WDR7: variants seen among roughly 807,000 people sequenced by gnomAD.
WDR7 encodes WD repeat domain 7.
A neutral mutation model predicts 169.4 loss-of-function variants in WDR7; 46 were observed. The ratio of observed to expected loss-of-function variants is 0.27; its 90% confidence interval spans 0.21 to 0.35. WDR7 has a LOEUF of 0.35. Among genes scored for constraint, WDR7 ranks in the 10% least tolerant of loss-of-function variants. The pLI is 1.00. For missense variants in WDR7, 1,534 were observed against 1,859.3 expected (o/e 0.83, Z 3.22); for synonymous variants, 612 against 666.8 (o/e 0.92, Z 1.27).
intron 3 of WDR7, among the ~76,000 whole-genome samples, chr18:56,680,192 AC>A (rs1215054843): frequency 6.6e-6 from 1 of 152,106 alleles, no homozygotes; most frequent in African/African-American, 2.4e-5. Flanking sequence ...CCCTGTCTCT[AC>A]AAAAAAATGC....
intron 13 of WDR7, among the ~76,000 whole-genome samples, chr18:56,722,295 C>T (rs1335571969): frequency 6.6e-6 from 1 of 152,040 alleles, no homozygotes; most frequent in Non-Finnish European, 1.5e-5. Context: ...ATGTTTTTCT[C>T]TTGTTACTAA....
intron 20 of WDR7, among the ~76,000 whole-genome samples, chr18:56,835,920 C>T (rs940972532): frequency 1.3e-5 from 2 of 152,100 alleles, no homozygotes; most frequent in African/African-American, 2.4e-5. Context: ...TTGCAGTTGA[C>T]TGTATATGAT....
At chr18:56,716,082 T>G (rs2026186009) in intron 12 of WDR7, among the ~76,000 whole-genome samples, 1 of 151,844 alleles carries the variant, frequency 6.6e-6, no homozygotes, top group Non-Finnish European at 1.5e-5. Context: ...CCCAGTTTTG[T>G]TCTAACATAC....
At chr18:56,936,371 C>G (rs1488991114) in intron 23 of WDR7, 1 of 153,316 alleles carries the variant, frequency 6.5e-6, no homozygotes, top group Non-Finnish European at 1.5e-5. Flanking sequence ...CAGTTGATTC[C>G]CACATTCTTA....
At chr18:56,992,082 A>T (rs1298730902) in intron 26 of WDR7, among the ~76,000 whole-genome samples, 1 of 152,246 alleles carries the variant, frequency 6.6e-6, no homozygotes. Flanking sequence ...CATAATGAAA[A>T]AGAATAATTT....
chr18:56,975,774 A>G (rs1398732974), intron 26 of WDR7, among the ~76,000 whole-genome samples: 2 of 152,188 alleles, frequency 1.3e-5, no homozygotes, highest in Non-Finnish European at 2.9e-5. Flanking sequence ...CGGAGGGCAC[A>G]TGCTGTATGG....
chr18:56,672,663 G>A lies in WDR7; in HGVS notation c.148G>A (p.Val50Ile), dbSNP rs2025161570. 6 of 1,608,582 alleles carry A rather than the reference G, an allele frequency of 3.7e-6. No homozygotes were observed. The highest frequency in any genetic ancestry group is 5.1e-6 in the Non-Finnish European group (6 of 1,177,902). Residue 50 changes from valine (V) to isoleucine (I), a missense_variant, in exon 2 of 28, where the codon GTA (valine) becomes ATA (isoleucine). By Grantham distance (29) the Val-to-Ile change is conservative. Transcript: ENST00000254442. Reference sequence around the variant, plus strand: ...ACAAATATGTCTCTGGGATCTTTCAGTAGAACTGCAAGTGAGTATGTGAAA... The same window carrying A: ...ACAAATATGTCTCTGGGATCTTTCAATAGAACTGCAAGTGAGTATGTGAAA... ...DGQICLWDLS[V>I]ELQINPRALL...
At chr18:56,867,783 T>G (rs2045902648) in intron 20 of WDR7, among the ~76,000 whole-genome samples, 1 of 152,128 alleles carries the variant, frequency 6.6e-6, no homozygotes, top group South Asian at 2.1e-4. Flanking sequence ...ATGTGCTAAG[T>G]TAAACATTGG....
chr18:56,939,529 C>A, intron 25 of WDR7, 136 bp downstream of exon 25: 1 of 521,706 alleles, frequency 1.9e-6, no homozygotes, highest in Non-Finnish European at 3.2e-6. Context: ...CTTTCTAAAA[C>A]AATATGGGCA....
chr18:57,027,360 C>A lies in WDR7; in HGVS notation c.*153C>A. ...CGGGTCTTGTCACTTGTGCATGCTT[C>A]TCAGGGGCAGAACCCGCTCGTGCCA... On this transcript the variant is annotated 3_prime_UTR_variant, in exon 28 of 28. Coordinates refer to ENST00000254442, the MANE Select transcript of WDR7 (RefSeq NM_015285.3). The A allele has an allele frequency of 1.1e-6, 1 of 933,226 alleles. No homozygotes were observed. The highest frequency in any genetic ancestry group is 1.6e-6 in the Non-Finnish European group (1 of 633,648). The allele number at this position is 933,226 out of a possible 1,614,324, so 57.8% of individuals were successfully genotyped here.
chr18:56,829,171 C>T (rs1015384546), intron 20 of WDR7, among the ~76,000 whole-genome samples: 2 of 151,044 alleles, frequency 1.3e-5, no homozygotes, highest in Non-Finnish European at 2.9e-5. Flanking sequence ...CACCTGTAGT[C>T]TCAGCTACTT....
At chr18:56,823,919 T>C (rs1438196160) in intron 20 of WDR7, among the ~76,000 whole-genome samples, 1 of 152,186 alleles carries the variant, frequency 6.6e-6, no homozygotes, top group East Asian at 1.9e-4. Context: ...TTCATTCTCT[T>C]ATCTCATCCA....
chr18:56,845,123 G>A (rs1281119556), intron 20 of WDR7, among the ~76,000 whole-genome samples: 1 of 152,004 alleles, frequency 6.6e-6, no homozygotes. Flanking sequence ...TTTTCCTCTT[G>A]TATAGATACA....
At chr18:56,688,637 A>T (rs501672) in intron 7 of WDR7, among the ~76,000 whole-genome samples, 1 of 150,846 alleles carries the variant, frequency 6.6e-6, no homozygotes, top group East Asian at 2.0e-4. Context: ...ACTGAGGCAG[A>T]ATAATTACTT....
At chr18:56,733,885 T>C (rs2026639882) in intron 14 of WDR7, among the ~76,000 whole-genome samples, 1 of 152,198 alleles carries the variant, frequency 6.6e-6, no homozygotes, top group Non-Finnish European at 1.5e-5. Flanking sequence ...GATTTTTGAC[T>C]TATTTATCTC....
At chr18:56,858,058 T>C (rs2045749934) in intron 20 of WDR7, among the ~76,000 whole-genome samples, 1 of 152,180 alleles carries the variant, frequency 6.6e-6, no homozygotes, top group Non-Finnish European at 1.5e-5. Context: ...TCTCCAGATC[T>C]CATCTCTCTG....
chr18:56,927,425 A>G (rs1402819822), intron 22 of WDR7, among the ~76,000 whole-genome samples: 2 of 152,080 alleles, frequency 1.3e-5, no homozygotes, highest in Non-Finnish European at 2.9e-5. Context: ...TGAGCAAAAC[A>G]GGAAGACCCC....
At chr18:56,716,977 G>T (rs1390038663) in intron 12 of WDR7, among the ~76,000 whole-genome samples, 4 of 152,140 alleles carry the variant, frequency 2.6e-5, no homozygotes, top group Non-Finnish European at 5.9e-5. Context: ...CAACCTGTTT[G>T]CTTAGGAGAA....
intron 25 of WDR7, among the ~76,000 whole-genome samples, chr18:56,960,854 T>G (rs532037236): frequency 6.6e-6 from 1 of 152,104 alleles, no homozygotes; most frequent in Non-Finnish European, 1.5e-5. Context: ...AAGCTTCATA[T>G]GTTTTAGGAG....
Sources: allele counts gnomAD v4.1 joint callset (sites outside exome capture counted in the v4.1 genomes callset), GRCh38; gene constraint gnomAD v4.1.1; transcripts MANE v1.5; gene names NCBI Gene and HGNC (gene_info 2026-07-23, HGNC 2026-07-21).